Variants in CDKL2 observed in about 807,000 individuals in gnomAD.
CDKL2 encodes the protein cyclin-dependent kinase-like 2.
A neutral mutation model predicts 63.9 loss-of-function variants in CDKL2; 64 were observed. The observed-to-expected ratio is 1.00, with a 90% CI of 0.82 to 1.23. CDKL2 has a LOEUF of 1.23. CDKL2 is among the 50% of genes most tolerant of loss of function. CDKL2 has a pLI of 0.00. For missense variants in CDKL2, 656 were observed against 668.0 expected, an observed-to-expected ratio of 0.98 and a Z score of 0.20; for synonymous variants, 211 against 229.2, an observed-to-expected ratio of 0.92 and a Z score of 0.72.
intron 10 of CDKL2, chr4:75,595,976 AGAAGGAAGGAAG>A (rs554405215): frequency 0.026 from 4,052 of 155,536 alleles, 67 homozygotes; most frequent in East Asian, 0.074. Flanking sequence ...AAGGAAGGAA[AGAAGGAAGGAAG>A]GAAGGAAGGA....
intron 11 of CDKL2, 81 bp from the exon 12 acceptor site, chr4:75,592,006 C>G (rs1237747600): frequency 3.1e-6 from 4 of 1,310,964 alleles, no homozygotes; most frequent in Non-Finnish European, 4.2e-6. Context: ...CTACGTGTTC[C>G]TCAGTATGTA....
chr4:75,627,445 T>A (rs1220973674), intron 1 of CDKL2, among the ~76,000 whole-genome samples: 1 of 152,006 alleles, frequency 6.6e-6, no homozygotes, highest in Non-Finnish European at 1.5e-5. Flanking sequence ...GTAAGTTTTG[T>A]ATTTTCATAG....
chr4:75,604,930 G>T (rs1454686092), intron 5 of CDKL2, among the ~76,000 whole-genome samples: 1 of 152,172 alleles, frequency 6.6e-6, no homozygotes, highest in Non-Finnish European at 1.5e-5. Flanking sequence ...GAACCTGGGA[G>T]TCGGAGTTTG....
chr4:75,616,717 A>AG (rs973509087), intron 2 of CDKL2, among the ~76,000 whole-genome samples: 9 of 148,818 alleles, frequency 6.0e-5, no homozygotes, highest in African/African-American at 2.2e-4. Context: ...AAAAAAAAAA[A>AG]GGAATTCAAA....
intron 1 of CDKL2, among the ~76,000 whole-genome samples, chr4:75,627,550 C>A (rs1024559172): frequency 6.6e-6 from 1 of 151,984 alleles, no homozygotes; most frequent in African/African-American, 2.4e-5. Flanking sequence ...GGATTGCAGG[C>A]GTGAGCCAGA....
intron 3 of CDKL2, among the ~76,000 whole-genome samples, chr4:75,613,755 A>T (rs1047723361): frequency 2.0e-5 from 3 of 152,164 alleles, no homozygotes; most frequent in African/African-American, 4.8e-5. Context: ...ATATTACCTT[A>T]AAAAAGAACA....
intron 5 of CDKL2, among the ~76,000 whole-genome samples, chr4:75,605,215 T>C (rs940593387): frequency 4.6e-5 from 7 of 151,780 alleles, no homozygotes; most frequent in South Asian, 2.1e-4. Context: ...TAGCTGGGCA[T>C]GGTGGCACAT....
chr4:75,579,663 C>T (rs988556015), intron 13 of CDKL2, among the ~76,000 whole-genome samples: 6 of 151,904 alleles, frequency 3.9e-5, no homozygotes, highest in African/African-American at 7.3e-5. Flanking sequence ...GCAACAAGAG[C>T]GAAACTCCGT....
At chr4:75,597,330 A>G (rs2148876938) in intron 8 of CDKL2, 94 bp from the exon 9 acceptor site, 1 of 732,810 alleles carries the variant, frequency 1.4e-6, no homozygotes, top group Non-Finnish European at 2.2e-6. Context: ...AGAGCAGAAT[A>G]TCATAAGTAT....
intron 12 of CDKL2, among the ~76,000 whole-genome samples, chr4:75,589,688 T>C (rs1728625615): frequency 6.6e-6 from 1 of 152,124 alleles, no homozygotes; most frequent in Non-Finnish European, 1.5e-5. Context: ...AAACTGTATA[T>C]TCACACACAA....
intron 12 of CDKL2, among the ~76,000 whole-genome samples, chr4:75,585,319 G>A (rs527815147): frequency 5.9e-5 from 9 of 152,152 alleles, no homozygotes; most frequent in Non-Finnish European, 1.3e-4. Context: ...GCTCACTCCT[G>A]TAATCCCAGC....
In CDKL2 at chr4:75,607,276, G is replaced by A; in HGVS notation, c.449C>T (p.Thr150Ile). The change falls in exon 4 of 14, where the codon ACA (threonine) becomes ATA (isoleucine). Residue 150 changes from threonine to isoleucine, a missense_variant. By Grantham distance (89) the Thr-to-Ile change is moderately conservative (BLOSUM62 -1). Coordinates refer to ENST00000307465, the MANE Select transcript of CDKL2 (RefSeq NM_001330724.2). ...VKLCDFGFAR[T>I]LAAPGEVYTD... is the part of the protein sequence containing the mutation. ...ATAAACCTCCCCAGGAGCTGCCAAT[G>A]TTCGCGCAAATCCAAAATCGCATAG... 1 of 1,614,078 alleles carries A rather than the reference G, an allele frequency of 6.2e-7. No homozygotes were observed. The highest frequency in any genetic ancestry group is 8.5e-7 in the Non-Finnish European group (1 of 1,179,954).
intron 3 of CDKL2, among the ~76,000 whole-genome samples, chr4:75,612,703 C>T (rs1729754112): frequency 1.3e-5 from 2 of 152,224 alleles, no homozygotes; most frequent in South Asian, 4.1e-4. Context: ...TGTTATTCTA[C>T]TTTATATATT....
chr4:75,609,307 G>C (rs982838005), intron 3 of CDKL2, among the ~76,000 whole-genome samples: 3 of 151,916 alleles, frequency 2.0e-5, no homozygotes, highest in Non-Finnish European at 2.9e-5. Context: ...CTGATATTCA[G>C]ATAATATTTA....
At chr4:75,615,322 C>A (rs1231441888) in intron 2 of CDKL2, among the ~76,000 whole-genome samples, 1 of 151,876 alleles carries the variant, frequency 6.6e-6, no homozygotes, top group African/African-American at 2.4e-5. Flanking sequence ...AAGAAACAAT[C>A]AAAAAGGAAC....
At chr4:75,613,386 T>C (rs1478549437) in intron 3 of CDKL2, among the ~76,000 whole-genome samples, 1 of 152,218 alleles carries the variant, frequency 6.6e-6, no homozygotes, top group Non-Finnish European at 1.5e-5. Flanking sequence ...GGCAGGTATG[T>C]AAAATGATTT....
At chr4:75,603,156 C>T (rs1166898585) in intron 6 of CDKL2, among the ~76,000 whole-genome samples, 2 of 149,396 alleles carry the variant, frequency 1.3e-5, no homozygotes, top group Non-Finnish European at 3.0e-5. Flanking sequence ...CCCGCCACCG[C>T]GCCCGGCTAA....
rs1340350614 is a variant in CDKL2, at chr4:75,629,734, G to A, written c.-30+308C>T. On this transcript the variant is annotated intron_variant, in intron 1 of 13. Coordinates refer to ENST00000307465, the MANE Select transcript of CDKL2 (RefSeq NM_001330724.2). ...GCGGGCGGATCACCTGAGGTTGCGA[G>A]TTCGAGACCAGCCTAACCAACATGG... Among the ~76,000 whole-genome samples, 3 of 152,220 alleles carry A rather than the reference G, an allele frequency of 2.0e-5. No individual in the cohort carries two copies. In the East Asian group the frequency reaches 5.8e-4, roughly 29 times the overall value.
chr4:75,605,633 C>A lies in CDKL2; in HGVS notation c.544G>T (p.Ala182Ser), dbSNP rs1182357059. The change falls in exon 5 of 14, where the codon GCT becomes TCT. Residue 182 changes from alanine (A) to serine (S), a missense_variant and splice_region_variant. By Grantham distance (99) the Ala-to-Ser change is moderately conservative. Transcript: ENST00000307465. Reference protein sequence around the residue: ...LLVGDVKYGKAVDVWAIGCLV... With the variant: ...LLVGDVKYGKSVDVWAIGCLV... ...CAACCAATGGCCCACACATCAACAG[C>A]CCTGAAAGAAAAGCAATGTGGTGTA... The A allele has an allele frequency of 1.2e-6, 2 of 1,606,608 alleles. No homozygotes were observed. Among genetic ancestry groups the A allele is most frequent in the Non-Finnish European group, 1.7e-6 (2 of 1,173,580 alleles).
Sources: allele counts gnomAD v4.1 joint callset (sites outside exome capture counted in the v4.1 genomes callset), GRCh38; gene constraint gnomAD v4.1.1; transcripts MANE v1.5; gene names NCBI Gene and HGNC (gene_info 2026-07-23, HGNC 2026-07-21).